Variants in TRPC6 observed in about 807,000 individuals in gnomAD.
TRPC6 encodes transient receptor potential cation channel subfamily C member 6, also known as short transient receptor potential channel 6.
In TRPC6, 55 loss-of-function variants were observed where a neutral mutation model predicts 90.7. That is an observed-to-expected ratio of 0.61 (90% CI 0.49 to 0.76). The LOEUF is 0.76. Among genes scored for constraint, TRPC6 ranks in the 30% least tolerant of loss-of-function variants. The probability of loss-of-function intolerance (pLI) is 0.00; values close to 1 mark genes in which losing one functional copy is unlikely to be tolerated. For synonymous variants in TRPC6, 393 were observed against 393.0 expected (o/e 1.00, Z 0.00); for missense variants, 989 against 1,122.7 (o/e 0.88, Z 1.70).
intron 1 of TRPC6, among the ~76,000 whole-genome samples, chr11:101,527,871 AGACCAGCCTGGC>A (rs1371989276): frequency 1.3e-5 from 2 of 152,132 alleles, no homozygotes; most frequent in Non-Finnish European, 2.9e-5. Flanking sequence ...CAGGAGTTAG[AGACCAGCCTGGC>A]CAACATGGTG....
chr11:101,514,013 C>A (rs1860458565), intron 1 of TRPC6, among the ~76,000 whole-genome samples: 1 of 152,166 alleles, frequency 6.6e-6, no homozygotes. Flanking sequence ...TAACAGAGTA[C>A]ATGGATAGGG....
At chr11:101,491,941 C>T (rs578181142) in intron 2 of TRPC6, among the ~76,000 whole-genome samples, 3 of 145,772 alleles carry the variant, frequency 2.1e-5, no homozygotes, top group Admixed American at 7.1e-5. Context: ...CCTGGGTTCA[C>T]GCCATTCTCC....
chr11:101,566,498 T>G (rs1369110643), intron 1 of TRPC6, among the ~76,000 whole-genome samples: 1 of 152,192 alleles, frequency 6.6e-6, no homozygotes, highest in Non-Finnish European at 1.5e-5. Flanking sequence ...TTTACATATC[T>G]TGTTTGTAGG....
chr11:101,453,648 A>C lies in TRPC6; in HGVS notation c.2644+2T>G. ...GCTGATTTGCTTCTGCGTTCAACTCACCTTCGTTCACTTCATCACTCTCCT... is the reference window on the plus strand; with the variant it reads ...GCTGATTTGCTTCTGCGTTCAACTCCCCTTCGTTCACTTCATCACTCTCCT... On this transcript the variant is annotated splice_donor_variant, in intron 12 of 12. Transcript: ENST00000344327. LOFTEE classifies it high-confidence loss of function. 1 of 1,613,554 alleles carries C rather than the reference A, an allele frequency of 6.2e-7. No individual in the cohort carries two copies. The highest frequency in any genetic ancestry group is 8.5e-7 in the Non-Finnish European group (1 of 1,179,760).
At chr11:101,504,977 C>A (rs917177784) in intron 1 of TRPC6, among the ~76,000 whole-genome samples, 179 bp from the exon 2 acceptor site, 1 of 152,164 alleles carries the variant, frequency 6.6e-6, no homozygotes, top group African/African-American at 2.4e-5. Flanking sequence ...AAGAACTTCA[C>A]GTCTAAGAAA....
Position 101,558,197 on chromosome 11 carries a change from A to C in TRPC6, c.170+25137T>G, listed in dbSNP as rs571053848. 1.7e-5 allele frequency among the ~76,000 whole-genome samples: 2 copies of C among 118,046 alleles called. 1 individual carries two copies. Among genetic ancestry groups the C allele is most frequent in the Non-Finnish European group, 3.4e-5 (2 of 59,682 alleles). 77.4% of individuals were successfully genotyped at this position (118,046 alleles called of 152,430 possible). Reference sequence around the variant, plus strand: ...CAAATATATATAAACATACATATATATGTGTGTGTATACATGTATATATGT... The same window carrying C: ...CAAATATATATAAACATACATATATCTGTGTGTGTATACATGTATATATGT... On this transcript the variant is annotated intron_variant, in intron 1 of 12. Transcript: ENST00000344327.
chr11:101,454,091 A>G (rs1858828999), intron 11 of TRPC6, among the ~76,000 whole-genome samples: 1 of 152,146 alleles, frequency 6.6e-6, no homozygotes, highest in Admixed American at 6.5e-5. Flanking sequence ...AAATTAAGCT[A>G]ATGTCTGCTC....
At chr11:101,546,767 A>T (rs1343630816) in intron 1 of TRPC6, among the ~76,000 whole-genome samples, 1 of 152,192 alleles carries the variant, frequency 6.6e-6, no homozygotes, top group Non-Finnish European at 1.5e-5. Context: ...TGATTTTTTT[A>T]AAAAGATGTC....
chr11:101,511,505 A>G (rs1407807934), intron 1 of TRPC6, among the ~76,000 whole-genome samples: 3 of 152,126 alleles, frequency 2.0e-5, no homozygotes, highest in Admixed American at 6.5e-5. Context: ...TACAATGTAC[A>G]ACCCTACACA....
At chr11:101,534,659 A>G (rs1860992883) in intron 1 of TRPC6, among the ~76,000 whole-genome samples, 1 of 152,224 alleles carries the variant, frequency 6.6e-6, no homozygotes, top group African/African-American at 2.4e-5. Context: ...AATTAAAAGA[A>G]AGACTAAATA....
At position 101,544,100 on chromosome 11, in the gene TRPC6, A is replaced by T. The variant is rs181502518; in HGVS notation, c.170+39234T>A. Among the ~76,000 whole-genome samples the T allele has an allele frequency of 2.9e-3, 445 of 152,360 alleles. 3 individuals are homozygous for T. The highest frequency in any genetic ancestry group is 0.01 in the African/African-American group (428 of 41,590). On this transcript the variant is annotated intron_variant, in intron 1 of 12. Coordinates refer to ENST00000344327, the MANE Select transcript of TRPC6 (RefSeq NM_004621.6). ...GAACAGACACTTCTCAAAAGAAGACATTTATGCAGCCAACAAACAAATGAA... is the reference window on the plus strand; with the variant it reads ...GAACAGACACTTCTCAAAAGAAGACTTTTATGCAGCCAACAAACAAATGAA...
intron 1 of TRPC6, among the ~76,000 whole-genome samples, chr11:101,558,677 T>C (rs1391021798): frequency 6.6e-6 from 1 of 151,912 alleles, no homozygotes; most frequent in Non-Finnish European, 1.5e-5. Context: ...AGCTTCCAAA[T>C]GTGCTGGGAT....
chr11:101,540,294 T>A (rs1861139536), intron 1 of TRPC6, among the ~76,000 whole-genome samples: 1 of 152,094 alleles, frequency 6.6e-6, no homozygotes, highest in African/African-American at 2.4e-5. Context: ...CAATGCAGGG[T>A]CTAAGGAACA....
intron 1 of TRPC6, among the ~76,000 whole-genome samples, chr11:101,555,275 T>A (rs1052289226): frequency 6.6e-6 from 1 of 152,224 alleles, no homozygotes; most frequent in East Asian, 1.9e-4. Context: ...GGACTCCACA[T>A]TATTTCTTCC....
At chr11:101,550,309 T>C (rs1861422856) in intron 1 of TRPC6, among the ~76,000 whole-genome samples, 1 of 151,588 alleles carries the variant, frequency 6.6e-6, no homozygotes. Context: ...AAAACACAAG[T>C]ATGATGTTAC....
At chr11:101,491,785 T>A (rs1859820285) in intron 2 of TRPC6, 47 bp from the exon 3 acceptor site, 1 of 1,551,950 alleles carries the variant, frequency 6.4e-7, no homozygotes, top group African/African-American at 1.4e-5. Flanking sequence ...GAATACCACG[T>A]TTTACTATGC....
intron 5 of TRPC6, among the ~76,000 whole-genome samples, chr11:101,476,779 T>C (rs1315510759): frequency 6.6e-6 from 1 of 152,194 alleles, no homozygotes; most frequent in East Asian, 1.9e-4. Context: ...GTCCTGCTGA[T>C]CAATTAATTC....
At chr11:101,559,190 G>C (rs1249820426) in intron 1 of TRPC6, among the ~76,000 whole-genome samples, 1 of 152,080 alleles carries the variant, frequency 6.6e-6, no homozygotes, top group East Asian at 1.9e-4. Context: ...TAATAAATGA[G>C]CAAGAGACCT....
chr11:101,552,266 A>G (rs1011743553), intron 1 of TRPC6, among the ~76,000 whole-genome samples: 5 of 152,108 alleles, frequency 3.3e-5, no homozygotes, highest in Admixed American at 3.3e-4. Flanking sequence ...TCTAGCTGTA[A>G]GAAACAAGAA....
Sources: allele counts gnomAD v4.1 joint callset (sites outside exome capture counted in the v4.1 genomes callset), GRCh38; gene constraint gnomAD v4.1.1; transcripts MANE v1.5; gene names NCBI Gene and HGNC (gene_info 2026-07-23, HGNC 2026-07-21).